The following ANKRD44 variants were observed in gnomAD, a reference collection of about 807,000 sequenced individuals.
ANKRD44 encodes serine/threonine-protein phosphatase 6 regulatory ankyrin repeat subunit B.
In ANKRD44, 35 loss-of-function variants were observed where a neutral mutation model predicts 116.0. The ratio of observed to expected loss-of-function variants is 0.30; its 90% CI spans 0.23 to 0.40. The LOEUF (loss-of-function observed/expected upper bound fraction) is 0.40, where lower values mean the gene tolerates loss of function less well. Ranked by LOEUF, ANKRD44 falls within the 10% of genes least tolerant of loss-of-function variation. ANKRD44 has a pLI of 1.00. For synonymous variants in ANKRD44, 435 were observed against 461.8 expected (o/e 0.94, Z 0.74); for missense variants, 1,014 against 1,242.6 (o/e 0.82, Z 2.77).
chr2:197,097,865 C>T (rs13402734), intron 10 of ANKRD44, among the ~76,000 whole-genome samples: 7,983 of 152,280 alleles, frequency 0.052, 733 homozygotes, highest in African/African-American at 0.18. Context: ...TTTAGCAGGA[C>T]TTGCGAAGCC....
In ANKRD44 at chr2:197,262,992, A is replaced by G. The variant is rs192875698; in HGVS notation, c.27+47586T>C. On this transcript the variant is annotated intron_variant, in intron 1 of 27. Transcript: ENST00000282272. ...ATATCTAAACAATACATTAAGCAAG[A>G]TATCATATTGCATGATATGCTCTGG... 781 of 212,142 alleles carry G rather than the reference A, an allele frequency of 3.7e-3. 9 individuals are homozygous for G. The highest frequency in any genetic ancestry group is 0.017 in the African/African-American group (741 of 42,522). 13.1% of individuals were successfully genotyped at this position (212,142 alleles called of 1,614,324 possible). A position where few individuals can be genotyped will look rare whatever the true frequency, so the allele number is the denominator to read the frequency against.
chr2:197,136,491 TA>T lies in ANKRD44; in HGVS notation c.261+100del, dbSNP rs2079219586. The T allele has an allele frequency of 3.6e-6, 4 of 1,112,364 alleles. No homozygotes were observed. In the East Asian group the frequency reaches 7.2e-5, roughly 20 times the overall value. 68.9% of individuals were successfully genotyped at this position (1,112,364 alleles called of 1,614,324 possible). On this transcript the variant is annotated intron_variant, in intron 4 of 27. Transcript: ENST00000282272. ...TTGGGTAACCCTCTTACATTAGAGG[TA>T]AAAGCCTTCTGCTTACCAGTAAGGA...
At chr2:197,159,177 C>T (rs1217532251) in intron 2 of ANKRD44, among the ~76,000 whole-genome samples, 1 of 152,194 alleles carries the variant, frequency 6.6e-6, no homozygotes, top group African/African-American at 2.4e-5. Context: ...ATATATAGAA[C>T]AGTTTCTGTG....
At chr2:196,975,964 A>G (rs1324271510) in intron 21 of ANKRD44, among the ~76,000 whole-genome samples, 1 of 152,114 alleles carries the variant, frequency 6.6e-6, no homozygotes, top group Non-Finnish European at 1.5e-5. Flanking sequence ...CCAACAACAT[A>G]TAAAAATTAT....
chr2:196,968,477 T>C (rs2075691245), intron 21 of ANKRD44, among the ~76,000 whole-genome samples: 1 of 152,220 alleles, frequency 6.6e-6, no homozygotes, highest in South Asian at 2.1e-4. Flanking sequence ...ACATGATTTG[T>C]GCCAGTTTTG....
At chr2:196,993,816 T>C in intron 26 of ANKRD44, 142 bp from the exon 27 acceptor site, 1 of 649,404 alleles carries the variant, frequency 1.5e-6, no homozygotes, top group Admixed American at 2.9e-5. Flanking sequence ...GAAAAAAAAA[T>C]GCTGACCAGA....
intron 16 of ANKRD44, among the ~76,000 whole-genome samples, chr2:197,025,733 G>T (rs62185249): frequency 6.6e-6 from 1 of 152,200 alleles, no homozygotes; most frequent in Admixed American, 6.5e-5. Flanking sequence ...CTGACAGGCT[G>T]CTTTACAGCA....
chr2:197,273,365 CA>C (rs2082954041), intron 1 of ANKRD44, among the ~76,000 whole-genome samples: 1 of 152,134 alleles, frequency 6.6e-6, no homozygotes, highest in African/African-American at 2.4e-5. Flanking sequence ...AAGAAAGATG[CA>C]AAAGGTCAAT....
chr2:197,295,573 G>A (rs1027446226), intron 1 of ANKRD44, among the ~76,000 whole-genome samples: 1 of 152,144 alleles, frequency 6.6e-6, no homozygotes, highest in Non-Finnish European at 1.5e-5. Context: ...ATAGTAGTCT[G>A]CAACCCCTGG....
At chr2:197,005,537 T>TA (rs1171810222) in intron 21 of ANKRD44, among the ~76,000 whole-genome samples, 157 bp downstream of exon 21, 2 of 152,042 alleles carry the variant, frequency 1.3e-5, no homozygotes, top group Non-Finnish European at 2.9e-5. Context: ...TGAGAACTAT[T>TA]AAAAAAACAA....
chr2:197,168,271 A>G (rs944577775), intron 2 of ANKRD44, among the ~76,000 whole-genome samples: 3 of 152,356 alleles, frequency 2.0e-5, no homozygotes, highest in Middle Eastern at 3.4e-3. Flanking sequence ...AGCATCATCA[A>G]TTGGCTGTTT....
chr2:197,003,302 C>T (rs1165171883), intron 21 of ANKRD44, among the ~76,000 whole-genome samples: 5 of 151,688 alleles, frequency 3.3e-5, no homozygotes, highest in African/African-American at 1.2e-4. Flanking sequence ...AGACTCCATA[C>T]ACCCCTAGAA....
At chr2:197,029,692 C>A in intron 16 of ANKRD44, 1 of 261,094 alleles carries the variant, frequency 3.8e-6, no homozygotes, top group Non-Finnish European at 7.5e-6. Flanking sequence ...GTGTCAGATA[C>A]GATGATGGTT....
At chr2:197,262,844 G>A (rs554683469) in intron 1 of ANKRD44, among the ~76,000 whole-genome samples, 3 of 152,100 alleles carry the variant, frequency 2.0e-5, no homozygotes, top group Admixed American at 2.0e-4. Flanking sequence ...GGCAGAGGTT[G>A]CAGTAAGCCG....
intron 3 of ANKRD44, among the ~76,000 whole-genome samples, chr2:197,143,445 G>A (rs1437085214): frequency 6.9e-6 from 1 of 145,492 alleles, no homozygotes; most frequent in East Asian, 2.0e-4. Flanking sequence ...GTCAGAACAT[G>A]CGGTGTTTGG....
At chr2:197,185,443 C>A (rs945030684) in intron 2 of ANKRD44, among the ~76,000 whole-genome samples, 1 of 152,242 alleles carries the variant, frequency 6.6e-6, no homozygotes, top group Non-Finnish European at 1.5e-5. Context: ...GCTCCTCTTA[C>A]ACTGAAGATG....
chr2:197,026,419 C>A (rs1364052779), intron 16 of ANKRD44, among the ~76,000 whole-genome samples: 2 of 152,060 alleles, frequency 1.3e-5, no homozygotes, highest in Admixed American at 6.6e-5. Flanking sequence ...AGGTGATGGC[C>A]CAGTAAAGTC....
At chr2:197,301,422 A>C (rs2083904959) in intron 1 of ANKRD44, 1 of 152,238 alleles carries the variant, frequency 6.6e-6, no homozygotes, top group African/African-American at 2.4e-5. Flanking sequence ...CCCTGAAAAG[A>C]AATGGAACTG....
At chr2:197,033,466 G>A (rs1385568774) in intron 16 of ANKRD44, among the ~76,000 whole-genome samples, 2 of 152,136 alleles carry the variant, frequency 1.3e-5, no homozygotes, top group Non-Finnish European at 1.5e-5. Context: ...AAATCCTTGA[G>A]TAATCCATTA....
Sources: gnomAD v4.1 joint callset for allele counts (sites outside exome capture counted in the v4.1 genomes callset) on GRCh38, gnomAD v4.1.1 for gene constraint, MANE v1.5 for transcripts, NCBI Gene and HGNC (gene_info 2026-07-23, HGNC 2026-07-21) for gene names.